The following MAML2 variants were observed in gnomAD, a reference collection of about 807,000 sequenced individuals.
The protein encoded by MAML2 is mastermind like transcriptional coactivator 2, also known as mastermind-like protein 2.
MAML2 carries 22 observed loss-of-function variants against 96.1 expected under a neutral mutation model. The ratio of observed to expected loss-of-function variants is 0.23; its 90% CI spans 0.16 to 0.33. The LOEUF (loss-of-function observed/expected upper bound fraction) is 0.33. Ranked by LOEUF, MAML2 falls within the 10% of genes least tolerant of loss-of-function variation. The probability of loss-of-function intolerance (pLI) is 1.00; values close to 1 mark genes in which losing one functional copy is unlikely to be tolerated. For synonymous variants in MAML2, 561 were observed against 521.3 expected (o/e 1.08, Z -1.04); for missense variants, 1,367 against 1,392.4 (o/e 0.98, Z 0.29).
Position 95,988,516 on chromosome 11 carries a change from T to TTA in MAML2, c.2344-2876_2344-2875dup, listed in dbSNP as rs926983686. Among the ~76,000 whole-genome samples, 69 of 147,682 alleles carry TTA rather than the reference T, an allele frequency of 4.7e-4. 1 individual carries two copies. Among genetic ancestry groups the TTA allele is most frequent in the Middle Eastern group, 3.6e-3 (1 of 280 alleles). ...AAACTGTTGTTCAAAGGGTTTTCAT[T>TTA]TATATATATATAATATTTATAGTAT... On this transcript the variant is annotated intron_variant, in intron 3 of 4. Transcript: ENST00000524717.
Position 95,984,249 on chromosome 11 carries a change from G to A in MAML2, c.2455+1282C>T, listed in dbSNP as rs558854036. Among the ~76,000 whole-genome samples, 69 of 152,212 alleles carry A rather than the reference G, an allele frequency of 4.5e-4. 1 individual carries two copies. The Middle Eastern group carries it at 0.014, about 30-fold the overall frequency. On this transcript the variant is annotated intron_variant, in intron 4 of 4. Coordinates refer to ENST00000524717, the MANE Select transcript of MAML2 (RefSeq NM_032427.4). ...GTGTGTAGTGGGCTAGATCATCTAG[G>A]TTTGTATAAGTACACTTTATGATGT...
intron 2 of MAML2, among the ~76,000 whole-genome samples, chr11:96,087,344 C>T (rs1359561466): frequency 1.3e-5 from 2 of 152,162 alleles, no homozygotes; most frequent in Non-Finnish European, 2.9e-5. Context: ...GTATTAAAGA[C>T]AAATTTTTCT....
Position 96,144,287 on chromosome 11 carries a change from G to T in MAML2, c.514-50770C>A, listed in dbSNP as rs541951468. Among the ~76,000 whole-genome samples, 31 of 152,258 alleles carry T rather than the reference G, an allele frequency of 2.0e-4. No individual in the cohort carries two copies. In the Middle Eastern group the frequency reaches 0.014, roughly 67 times the overall value. ...TAAACAAATACGTACATCTAGAGAA[G>T]AATTTTTATAATGTAGTTAAGAATG... is the stretch of plus-strand genomic sequence containing the variant. On this transcript the variant is annotated intron_variant, in intron 1 of 4. Coordinates refer to ENST00000524717, the MANE Select transcript of MAML2 (RefSeq NM_032427.4).
intron 1 of MAML2, among the ~76,000 whole-genome samples, chr11:96,154,936 A>T (rs1270394590): frequency 6.6e-6 from 1 of 151,918 alleles, no homozygotes; most frequent in Admixed American, 6.6e-5. Context: ...TAGCTGTAAC[A>T]CTCCGGCCTC....
intron 2 of MAML2, among the ~76,000 whole-genome samples, chr11:96,029,716 G>A (rs1476673962): frequency 6.6e-6 from 1 of 152,042 alleles, no homozygotes; most frequent in Non-Finnish European, 1.5e-5. Context: ...GTCATTCACT[G>A]GCTTAAAGCT....
intron 1 of MAML2, among the ~76,000 whole-genome samples, chr11:96,118,541 TC>T (rs1860282663): frequency 6.7e-6 from 1 of 150,180 alleles, no homozygotes; most frequent in Admixed American, 6.6e-5. Flanking sequence ...AATTACCCAG[TC>T]TCAGGTATGT....
intron 1 of MAML2, among the ~76,000 whole-genome samples, chr11:96,150,564 A>T (rs1279349602): frequency 1.3e-5 from 2 of 152,204 alleles, no homozygotes; most frequent in Non-Finnish European, 2.9e-5. Flanking sequence ...GGAAATTGCA[A>T]GTAGTTCAGG....
chr11:96,246,824 G>A (rs1289909868), intron 1 of MAML2, among the ~76,000 whole-genome samples: 2 of 152,052 alleles, frequency 1.3e-5, no homozygotes, highest in Non-Finnish European at 2.9e-5. Flanking sequence ...AACCGTTGTG[G>A]ACACACACAG....
intron 2 of MAML2, among the ~76,000 whole-genome samples, chr11:96,046,179 C>T (rs77978396): frequency 0.019 from 2,940 of 151,970 alleles, 115 homozygotes; most frequent in African/African-American, 0.067. Flanking sequence ...TTCTGACCAG[C>T]GCAGGTGAGG....
At chr11:96,122,740 A>AAAAGCTCAATTAT (rs1424498346) in intron 1 of MAML2, among the ~76,000 whole-genome samples, 1 of 152,190 alleles carries the variant, frequency 6.6e-6, no homozygotes, top group East Asian at 1.9e-4. Flanking sequence ...GCCAAGAGGG[A>AAAAGCTCAATTAT]AAAGCTCAAT....
At chr11:96,336,103 A>C (rs868394831) in intron 1 of MAML2, among the ~76,000 whole-genome samples, 5 of 152,240 alleles carry the variant, frequency 3.3e-5, no homozygotes, top group African/African-American at 7.2e-5. Flanking sequence ...TGATGCCAAG[A>C]AAATAACAAA....
intron 1 of MAML2, among the ~76,000 whole-genome samples, chr11:96,317,916 A>C (rs868556309): frequency 6.6e-6 from 1 of 152,246 alleles, no homozygotes; most frequent in African/African-American, 2.4e-5. Context: ...TTACGTATCT[A>C]AATGGTAAAC....
chr11:96,256,063 G>A (rs777625518), intron 1 of MAML2, among the ~76,000 whole-genome samples: 42 of 151,624 alleles, frequency 2.8e-4, no homozygotes, highest in African/African-American at 1.0e-3. Flanking sequence ...TAGTAGAGAC[G>A]GGGTTTCACC....
At chr11:96,108,502 C>T (rs574964496) in intron 1 of MAML2, among the ~76,000 whole-genome samples, 4 of 152,256 alleles carry the variant, frequency 2.6e-5, no homozygotes, top group Non-Finnish European at 4.4e-5. Flanking sequence ...TGACCTTGGG[C>T]AAGTCACCTA....
chr11:96,284,180 T>C (rs568348438), intron 1 of MAML2, among the ~76,000 whole-genome samples: 1 of 152,334 alleles, frequency 6.6e-6, no homozygotes, highest in South Asian at 2.1e-4. Context: ...TCTTGATGTG[T>C]ACCACTTTCA....
intron 2 of MAML2, among the ~76,000 whole-genome samples, chr11:95,994,402 C>G (rs906201547): frequency 7.2e-5 from 11 of 152,162 alleles, no homozygotes; most frequent in Non-Finnish European, 1.6e-4. Flanking sequence ...CTATAAGCCA[C>G]TAAGAATGTG....
intron 2 of MAML2, among the ~76,000 whole-genome samples, chr11:96,018,794 G>A (rs1858393513): frequency 6.6e-6 from 1 of 152,100 alleles, no homozygotes; most frequent in African/African-American, 2.4e-5. Context: ...TCACCATGTT[G>A]GCCAGCCTGG....
intron 1 of MAML2, among the ~76,000 whole-genome samples, chr11:96,132,159 G>A (rs1201058902): frequency 1.3e-5 from 2 of 152,162 alleles, no homozygotes; most frequent in South Asian, 4.1e-4. Context: ...CCCATGTCAC[G>A]TGCAGAAAAA....
chr11:96,009,504 A>G (rs1032667190), intron 2 of MAML2, among the ~76,000 whole-genome samples: 4 of 45,832 alleles, frequency 8.7e-5, no homozygotes, highest in African/African-American at 3.7e-4. Flanking sequence ...TAATTTAACT[A>G]TATTTGTTAT....
Sources: allele counts gnomAD v4.1 joint callset (sites outside exome capture counted in the v4.1 genomes callset), GRCh38; gene constraint gnomAD v4.1.1; transcripts MANE v1.5; gene names NCBI Gene and HGNC (gene_info 2026-07-23, HGNC 2026-07-21).